The following ADGRL3 variants were observed in gnomAD, a reference collection of about 807,000 sequenced individuals.
ADGRL3 encodes the protein calcium-independent alpha-latrotoxin receptor 3.
A neutral mutation model predicts 153.5 loss-of-function variants in ADGRL3; 62 were observed. That is an observed-to-expected ratio of 0.40 (90% confidence interval 0.33 to 0.50). The LOEUF (loss-of-function observed/expected upper bound fraction) is 0.50, where lower values mean the gene tolerates loss of function less well. Ranked by LOEUF, ADGRL3 falls within the 20% of genes least tolerant of loss-of-function variation. ADGRL3 has a pLI of 0.47. For synonymous variants in ADGRL3, 710 were observed against 672.5 expected (o/e 1.06, Z -0.86); for missense variants, 1,641 against 1,859.4 (o/e 0.88, Z 2.16).
intron 17 of ADGRL3, among the ~76,000 whole-genome samples, chr4:61,971,107 T>C (rs2099025489): frequency 6.6e-6 from 1 of 152,014 alleles, no homozygotes; most frequent in Non-Finnish European, 1.5e-5. Context: ...GAATACAATA[T>C]GTTGAAGAGG....
At chr4:61,297,826 C>T (rs1013185529) in intron 1 of ADGRL3, among the ~76,000 whole-genome samples, 5 of 144,136 alleles carry the variant, frequency 3.5e-5, no homozygotes, top group East Asian at 1.9e-4. Flanking sequence ...ACTACCGTCG[C>T]CACCACCACC....
chr4:61,252,726 A>G (rs915431202), intron 1 of ADGRL3, among the ~76,000 whole-genome samples: 2 of 151,946 alleles, frequency 1.3e-5, no homozygotes, highest in Non-Finnish European at 2.9e-5. Flanking sequence ...GCTTGATTCA[A>G]AATGTGACAT....
intron 6 of ADGRL3, among the ~76,000 whole-genome samples, chr4:61,725,149 A>G (rs1055923159): frequency 6.6e-6 from 1 of 152,162 alleles, no homozygotes; most frequent in African/African-American, 2.4e-5. Context: ...AGTAAGATGA[A>G]TTTTTATCTT....
intron 5 of ADGRL3, among the ~76,000 whole-genome samples, chr4:61,639,366 T>C (rs2075166873): frequency 6.6e-6 from 1 of 151,944 alleles, no homozygotes; most frequent in African/African-American, 2.4e-5. Context: ...GCCATACCTA[T>C]AAAAATAAAA....
intron 5 of ADGRL3, among the ~76,000 whole-genome samples, chr4:61,638,705 A>G (rs1364287984): frequency 1.3e-5 from 2 of 152,118 alleles, no homozygotes; most frequent in African/African-American, 4.8e-5. Flanking sequence ...TAGGCTTCAA[A>G]ATTACTCTAA....
intron 9 of ADGRL3, among the ~76,000 whole-genome samples, chr4:61,889,287 A>T (rs2149564783): frequency 6.6e-6 from 1 of 152,380 alleles, no homozygotes; most frequent in East Asian, 1.9e-4. Flanking sequence ...AATGGGGGCA[A>T]GAACACATTG....
intron 21 of ADGRL3, among the ~76,000 whole-genome samples, chr4:62,017,238 C>T (rs1413134909): frequency 6.6e-6 from 1 of 151,980 alleles, no homozygotes; most frequent in African/African-American, 2.4e-5. Context: ...GGATAACCTA[C>T]ATCCTTACTT....
chr4:62,062,901 A>G (rs979797027), intron 25 of ADGRL3, among the ~76,000 whole-genome samples: 1 of 152,120 alleles, frequency 6.6e-6, no homozygotes, highest in Admixed American at 6.6e-5. Flanking sequence ...TATGCTTACC[A>G]TGGTGTACTA....
chr4:61,947,339 A>G (rs541076047), intron 16 of ADGRL3, among the ~76,000 whole-genome samples: 3 of 152,168 alleles, frequency 2.0e-5, no homozygotes, highest in African/African-American at 7.2e-5. Context: ...GCATTCATAG[A>G]TGGATTTATA....
At chr4:61,543,835 G>A (rs576236477) in intron 4 of ADGRL3, among the ~76,000 whole-genome samples, 23 of 152,226 alleles carry the variant, frequency 1.5e-4, no homozygotes, top group African/African-American at 5.1e-4. Context: ...TTGCTATAAA[G>A]TTTGTTCAGT....
chr4:61,738,505 C>G (rs747710206), intron 8 of ADGRL3, among the ~76,000 whole-genome samples: 24 of 152,082 alleles, frequency 1.6e-4, no homozygotes, highest in Non-Finnish European at 3.2e-4. Context: ...ACACTGTTTT[C>G]CATAGTGGCT....
At chr4:61,644,438 T>C (rs2093857787) in intron 5 of ADGRL3, among the ~76,000 whole-genome samples, 1 of 152,194 alleles carries the variant, frequency 6.6e-6, no homozygotes. Flanking sequence ...GCGCTATAAA[T>C]TTCCCTATAC....
At chr4:61,648,209 T>G (rs952692264) in intron 5 of ADGRL3, among the ~76,000 whole-genome samples, 23 of 152,126 alleles carry the variant, frequency 1.5e-4, no homozygotes, top group Admixed American at 9.2e-4. Context: ...ATAAGCTGTA[T>G]GCTATTTGAC....
chr4:61,388,805 A>T (rs1345063010), intron 2 of ADGRL3, among the ~76,000 whole-genome samples: 1 of 152,034 alleles, frequency 6.6e-6, no homozygotes, highest in Non-Finnish European at 1.5e-5. Context: ...TCTACCTATC[A>T]GTCTTCCCAG....
intron 1 of ADGRL3, among the ~76,000 whole-genome samples, chr4:61,238,167 A>C (rs1753545463): frequency 6.6e-6 from 1 of 152,204 alleles, no homozygotes; most frequent in African/African-American, 2.4e-5. Context: ...CTTATAGTAC[A>C]AGAGCACAAA....
At chr4:61,949,157 T>C (rs1292213599) in intron 17 of ADGRL3, among the ~76,000 whole-genome samples, 1 of 152,194 alleles carries the variant, frequency 6.6e-6, no homozygotes. Context: ...AGATACTTCA[T>C]GGCCAGAGAT....
At chr4:62,039,174 A>G (rs1404542875) in intron 24 of ADGRL3, among the ~76,000 whole-genome samples, 1 of 152,120 alleles carries the variant, frequency 6.6e-6, no homozygotes. Flanking sequence ...ATTTCCCTAA[A>G]TAATTTCATT....
intron 4 of ADGRL3, among the ~76,000 whole-genome samples, chr4:61,559,154 T>TA (rs1553963290): frequency 6.6e-6 from 1 of 152,094 alleles, no homozygotes; most frequent in Non-Finnish European, 1.5e-5. Flanking sequence ...ATAAATTTAA[T>TA]ACTGTGTTTA....
intron 5 of ADGRL3, among the ~76,000 whole-genome samples, chr4:61,620,227 G>A (rs1275597353): frequency 6.6e-6 from 1 of 152,072 alleles, no homozygotes; most frequent in Non-Finnish European, 1.5e-5. Context: ...ACAATGAAGA[G>A]ATTTTTAAGA....
Sources: gnomAD v4.1 joint callset for allele counts (sites outside exome capture counted in the v4.1 genomes callset) on GRCh38, gnomAD v4.1.1 for gene constraint, MANE v1.5 for transcripts, NCBI Gene and HGNC (gene_info 2026-07-23, HGNC 2026-07-21) for gene names.